Variants in CSMD1 observed in about 807,000 individuals in gnomAD.
CSMD1 encodes CUB and Sushi multiple domains 1.
In CSMD1, 213 loss-of-function variants were observed where a neutral mutation model predicts 417.5. The ratio of observed to expected loss-of-function variants is 0.51; its 90% confidence interval spans 0.46 to 0.57. The LOEUF is 0.57. Among genes scored for constraint, CSMD1 ranks in the 20% least tolerant of loss-of-function variants. CSMD1 has a pLI of 0.00. For synonymous variants in CSMD1, 2,862 were observed against 1,736.8 expected (o/e 1.65, Z -16.11); for missense variants, 6,923 against 4,529.7 (o/e 1.53, Z -15.17).
At chr8:4,905,078 T>A (rs146368365) in intron 1 of CSMD1, among the ~76,000 whole-genome samples, 1 of 152,206 alleles carries the variant, frequency 6.6e-6, no homozygotes, top group African/African-American at 2.4e-5. Flanking sequence ...TCTGCCAGCA[T>A]AGGATCGTTC....
At position 4,919,303 on chromosome 8, in the gene CSMD1, C is replaced by T. The variant is rs1484950507; in HGVS notation, c.85+75029G>A. On this transcript the variant is annotated intron_variant, in intron 1 of 69. Transcript: ENST00000635120. ...GTCAATTAGAGTATATTTAGAACCA[C>T]GGGTTAGATGTAAATGTTAAATTCT... is the stretch of plus-strand genomic sequence containing the variant. Among the ~76,000 whole-genome samples the T allele has an allele frequency of 3.9e-5, 6 of 152,228 alleles. No homozygotes were observed. The East Asian group carries it at 5.8e-4, about 15-fold the overall frequency.
chr8:3,143,105 C>G (rs1015252788), intron 40 of CSMD1, among the ~76,000 whole-genome samples: 2 of 151,970 alleles, frequency 1.3e-5, no homozygotes, highest in African/African-American at 4.8e-5. Flanking sequence ...CAAGGAAAAA[C>G]AACAACAACA....
At chr8:4,524,063 T>C (rs1585200504) in intron 2 of CSMD1, among the ~76,000 whole-genome samples, 1 of 152,120 alleles carries the variant, frequency 6.6e-6, no homozygotes, top group African/African-American at 2.4e-5. Context: ...CTGTGTTTTT[T>C]AGAATGAACG....
At chr8:2,998,228 T>G in intron 53 of CSMD1, 44 bp from the exon 54 acceptor site, 1 of 1,582,738 alleles carries the variant, frequency 6.3e-7, no homozygotes, top group Non-Finnish European at 8.7e-7. Context: ...ATTGAACAGG[T>G]CATCACTTTC....
At chr8:3,140,345 C>G (rs1016068283) in intron 41 of CSMD1, among the ~76,000 whole-genome samples, 9 of 113,852 alleles carry the variant, frequency 7.9e-5, no homozygotes, top group Non-Finnish European at 1.7e-4. Context: ...CTCTCTCTCT[C>G]TCTGTCTCTC....
chr8:3,221,556 A>G (rs903066387), intron 28 of CSMD1, among the ~76,000 whole-genome samples: 1 of 151,866 alleles, frequency 6.6e-6, no homozygotes, highest in African/African-American at 2.4e-5. Context: ...AAACAAACAA[A>G]CAAACACTAT....
At chr8:3,134,927 G>C (rs1439631175) in intron 41 of CSMD1, among the ~76,000 whole-genome samples, 1 of 152,156 alleles carries the variant, frequency 6.6e-6, no homozygotes, top group East Asian at 1.9e-4. Flanking sequence ...AGTTATTATT[G>C]TCATTATTAT....
At chr8:4,157,320 A>G (rs1796889505) in intron 3 of CSMD1, among the ~76,000 whole-genome samples, 2 of 152,222 alleles carry the variant, frequency 1.3e-5, no homozygotes, top group Admixed American at 1.3e-4. Flanking sequence ...CCAGCAACTC[A>G]GGGTGGGCAG....
At chr8:3,973,009 T>C (rs979229569) in intron 5 of CSMD1, among the ~76,000 whole-genome samples, 2 of 152,230 alleles carry the variant, frequency 1.3e-5, no homozygotes, top group Admixed American at 1.3e-4. Context: ...TTTACATTTA[T>C]TTTTCTCTTC....
At chr8:3,312,700 G>GC (rs1323295458) in intron 23 of CSMD1, among the ~76,000 whole-genome samples, 4 of 152,074 alleles carry the variant, frequency 2.6e-5, no homozygotes, top group Non-Finnish European at 2.9e-5. Context: ...TGTCACTTGC[G>GC]CCGTGAACCA....
intron 1 of CSMD1, among the ~76,000 whole-genome samples, chr8:4,959,999 G>A (rs1809373991): frequency 6.6e-6 from 1 of 152,050 alleles, no homozygotes; most frequent in African/African-American, 2.4e-5. Context: ...GTTTCTCTTT[G>A]CTCACTAGGA....
At chr8:4,393,659 G>A (rs1433323853) in intron 3 of CSMD1, among the ~76,000 whole-genome samples, 1 of 152,154 alleles carries the variant, frequency 6.6e-6, no homozygotes, top group East Asian at 1.9e-4. Context: ...CACTAGCCCA[G>A]TCACCTTCAC....
At chr8:3,039,902 T>C (rs964119876) in intron 50 of CSMD1, among the ~76,000 whole-genome samples, 2 of 152,206 alleles carry the variant, frequency 1.3e-5, no homozygotes, top group African/African-American at 4.8e-5. Flanking sequence ...CCAAACGTGT[T>C]CCTCTTCTAA....
At chr8:4,001,646 C>A (rs1815681935) in intron 4 of CSMD1, among the ~76,000 whole-genome samples, 1 of 152,110 alleles carries the variant, frequency 6.6e-6, no homozygotes, top group Admixed American at 6.5e-5. Context: ...AGTCTAAGAT[C>A]TTAGACACTT....
intron 2 of CSMD1, among the ~76,000 whole-genome samples, chr8:4,421,655 A>G (rs1005793226): frequency 6.6e-6 from 1 of 152,098 alleles, no homozygotes; most frequent in Non-Finnish European, 1.5e-5. Flanking sequence ...ATAAAATACA[A>G]CATATTAAAC....
intron 10 of CSMD1, among the ~76,000 whole-genome samples, chr8:3,496,612 G>C (rs770584862): frequency 6.6e-6 from 1 of 152,140 alleles, no homozygotes; most frequent in African/African-American, 2.4e-5. Context: ...TGGGTCATGA[G>C]GTCAGGAATT....
At position 4,347,933 on chromosome 8, in the gene CSMD1, A is replaced by C. The variant is rs761878628; in HGVS notation, c.415+72020T>G. ...AAATAAACAAGGATAAAATAGGAGC[A>C]CAAAAATAAAATGGAGGCACAGAAG... On this transcript the variant is annotated intron_variant, in intron 3 of 69. Transcript: ENST00000635120. Among the ~76,000 whole-genome samples, 4 of 152,334 alleles carry C rather than the reference A, an allele frequency of 2.6e-5. No individual in the cohort carries two copies. In the South Asian group the frequency reaches 8.3e-4, roughly 32 times the overall value.
chr8:4,130,567 C>G (rs924909852), intron 3 of CSMD1, among the ~76,000 whole-genome samples: 5 of 152,118 alleles, frequency 3.3e-5, no homozygotes, highest in South Asian at 2.1e-4. Context: ...TCAATTACCA[C>G]TGACCTTATG....
In CSMD1 at chr8:3,568,722, C is replaced by CAT. The variant is rs201370568; in HGVS notation, c.1344+6221_1344+6222dup. 2.0e-3 allele frequency among the ~76,000 whole-genome samples: 303 copies of CAT among 151,778 alleles called. 3 individuals carry two copies. The East Asian group carries it at 0.052, about 26-fold the overall frequency. Reference sequence around the variant, plus strand: ...ATATAGGTGTGTGTGTTTATCTATGCATATATATATACACATATATATATG... The same window carrying CAT: ...ATATAGGTGTGTGTGTTTATCTATGCATATATATATATACACATATATATATG... On this transcript the variant is annotated intron_variant, in intron 10 of 69. Transcript: ENST00000635120.
Sources: gnomAD v4.1 joint callset for allele counts (sites outside exome capture counted in the v4.1 genomes callset) on GRCh38, gnomAD v4.1.1 for gene constraint, MANE v1.5 for transcripts, NCBI Gene and HGNC (gene_info 2026-07-23, HGNC 2026-07-21) for gene names.